The following PLCE1 variants were observed in gnomAD, a reference collection of about 807,000 sequenced individuals.
PLCE1 encodes the protein phospholipase C epsilon 1, also known as 1-phosphatidylinositol 4,5-bisphosphate phosphodiesterase epsilon-1.
Under a neutral mutation model 242.8 loss-of-function variants are expected in PLCE1, and 119 were observed. The ratio of observed to expected loss-of-function variants is 0.49; its 90% CI spans 0.42 to 0.57. The LOEUF (loss-of-function observed/expected upper bound fraction) is 0.57, where lower values mean the gene tolerates loss of function less well. Ranked by LOEUF, PLCE1 falls within the 20% of genes least tolerant of loss-of-function variation. PLCE1 has a pLI of 0.00. For missense variants in PLCE1, 2,441 were observed against 2,788.8 expected (o/e 0.88, Z 2.81); for synonymous variants, 945 against 1,017.4 (o/e 0.93, Z 1.35).
At chr10:94,258,469 T>G (rs2051180099) in intron 11 of PLCE1, among the ~76,000 whole-genome samples, 1 of 151,468 alleles carries the variant, frequency 6.6e-6, no homozygotes, top group Non-Finnish European at 1.5e-5. Flanking sequence ...GGGCTCTTTT[T>G]AATAGACATC....
At chr10:94,197,667 A>G (rs976779230) in intron 4 of PLCE1, among the ~76,000 whole-genome samples, 2 of 152,234 alleles carry the variant, frequency 1.3e-5, no homozygotes, top group African/African-American at 4.8e-5. Context: ...ATTTCTGACA[A>G]TGAAGCGTGA....
chr10:94,213,316 T>A (rs1369148246), intron 4 of PLCE1, among the ~76,000 whole-genome samples: 3 of 152,216 alleles, frequency 2.0e-5, no homozygotes, highest in South Asian at 2.1e-4. Flanking sequence ...GCAAGAAAGA[T>A]GATGAAACAG....
chr10:94,167,910 C>T (rs571239971), intron 3 of PLCE1, among the ~76,000 whole-genome samples: 1 of 152,180 alleles, frequency 6.6e-6, no homozygotes, highest in South Asian at 2.1e-4. Flanking sequence ...TGGCTTTGAA[C>T]TCCTGGCCTC....
Position 94,252,481 on chromosome 10 carries a change from A to G in PLCE1, c.3262A>G (p.Lys1088Glu), listed in dbSNP as rs780778339. Residue 1088 changes from lysine to glutamate, a missense_variant, in exon 9 of 33, where the codon AAG (lysine) becomes GAG (glutamate). Transcript: ENST00000371380. ...TLGISTTKKK[K>E]KILMRGESGE... ...GGGCATAAGCACTACCAAGAAAAAGAAGAAAATCCTCATGAGGGTAGAGTG... is the reference window on the plus strand; with the variant it reads ...GGGCATAAGCACTACCAAGAAAAAGGAGAAAATCCTCATGAGGGTAGAGTG... 2 of 1,613,680 alleles carry G rather than the reference A, an allele frequency of 1.2e-6. No homozygotes were observed. The highest frequency in any genetic ancestry group is 3.3e-5 in the Admixed American group (2 of 59,990).
chr10:94,017,348 G>T (rs1449077260), intron 1 of PLCE1, among the ~76,000 whole-genome samples: 5 of 152,172 alleles, frequency 3.3e-5, no homozygotes, highest in African/African-American at 4.8e-5. Flanking sequence ...GGTAAGAAGT[G>T]TAAGTAATAT....
intron 2 of PLCE1, among the ~76,000 whole-genome samples, chr10:94,066,572 G>T (rs1564659171): frequency 6.6e-6 from 1 of 151,998 alleles, no homozygotes; most frequent in Non-Finnish European, 1.5e-5. Context: ...GCCCTTCTGT[G>T]CGTTAGTTCA....
chr10:94,323,636 C>A (rs1371582260), intron 30 of PLCE1, among the ~76,000 whole-genome samples: 1 of 152,118 alleles, frequency 6.6e-6, no homozygotes, highest in Non-Finnish European at 1.5e-5. Flanking sequence ...TAATACAATG[C>A]CTAGCAAATG....
chr10:94,295,072 C>T (rs1093317), intron 23 of PLCE1, among the ~76,000 whole-genome samples: 1 of 151,792 alleles, frequency 6.6e-6, no homozygotes, highest in African/African-American at 2.4e-5. Flanking sequence ...CCCACCACCA[C>T]GCCCGGCTAC....
At chr10:94,127,499 A>G (rs534378207) in intron 2 of PLCE1, among the ~76,000 whole-genome samples, 3 of 152,300 alleles carry the variant, frequency 2.0e-5, no homozygotes, top group South Asian at 2.1e-4. Flanking sequence ...AGAGAGAGCA[A>G]TCTCCAATGT....
At chr10:94,001,622 G>A (rs2060932581) in intron 1 of PLCE1, among the ~76,000 whole-genome samples, 1 of 152,214 alleles carries the variant, frequency 6.6e-6, no homozygotes, top group African/African-American at 2.4e-5. Context: ...CTGTGACCAA[G>A]TACATGCTAT....
chr10:94,304,435 G>T, intron 24 of PLCE1, 47 bp from the exon 25 acceptor site: 1 of 1,551,110 alleles, frequency 6.4e-7, no homozygotes, highest in South Asian at 1.1e-5. Flanking sequence ...ATACTTAAGC[G>T]ACAAAGTAAC....
At chr10:94,296,880 CT>C (rs1187850868) in intron 23 of PLCE1, among the ~76,000 whole-genome samples, 77 of 147,034 alleles carry the variant, frequency 5.2e-4, no homozygotes, top group South Asian at 1.5e-3. Flanking sequence ...TTCTTTCTTT[CT>C]TTTTTTTTTT....
intron 3 of PLCE1, among the ~76,000 whole-genome samples, chr10:94,141,559 GAAGGGAAGGCTAAGGGAAGGT>G (rs2046959979): frequency 3.0e-5 from 3 of 99,262 alleles, no homozygotes; most frequent in Non-Finnish European, 4.3e-5. Context: ...AAGGGAAGGT[GAAGGGAAGGCTAAGGGAAGGT>G]GAAGGGAAGG....
chr10:94,055,948 G>A (rs1406976391), intron 2 of PLCE1, among the ~76,000 whole-genome samples: 3 of 152,138 alleles, frequency 2.0e-5, no homozygotes, highest in South Asian at 4.1e-4. Flanking sequence ...AAATAAGAGT[G>A]CTTGTATCAC....
chr10:94,111,482 C>T (rs1442381729), intron 2 of PLCE1, among the ~76,000 whole-genome samples: 2 of 152,190 alleles, frequency 1.3e-5, no homozygotes, highest in African/African-American at 4.8e-5. Context: ...TTCCTCCTGA[C>T]AGGGAACAGG....
At chr10:94,143,693 T>G (rs548279905) in intron 3 of PLCE1, among the ~76,000 whole-genome samples, 2 of 152,328 alleles carry the variant, frequency 1.3e-5, no homozygotes, top group African/African-American at 4.8e-5. Flanking sequence ...AAAAGATATT[T>G]TTAACGGTGT....
At chr10:94,195,363 T>C (rs1247552697) in intron 4 of PLCE1, among the ~76,000 whole-genome samples, 4 of 152,092 alleles carry the variant, frequency 2.6e-5, no homozygotes, top group South Asian at 2.1e-4. Flanking sequence ...AGTTTGTGAT[T>C]TGGGGACTAA....
At chr10:94,029,495 G>A (rs551186712) in intron 1 of PLCE1, among the ~76,000 whole-genome samples, 1 of 152,260 alleles carries the variant, frequency 6.6e-6, no homozygotes, top group African/African-American at 2.4e-5. Context: ...GTTTCTGAAA[G>A]TATTGATAAT....
At chr10:94,202,083 G>A (rs1484848519) in intron 4 of PLCE1, among the ~76,000 whole-genome samples, 1 of 152,080 alleles carries the variant, frequency 6.6e-6, no homozygotes, top group Non-Finnish European at 1.5e-5. Flanking sequence ...ATTTTGTTTT[G>A]CCTTTCAAAT....
Sources: allele counts gnomAD v4.1 joint callset (sites outside exome capture counted in the v4.1 genomes callset), GRCh38; gene constraint gnomAD v4.1.1; transcripts MANE v1.5; gene names NCBI Gene and HGNC (gene_info 2026-07-23, HGNC 2026-07-21).